The following SLC25A28 variants were observed in gnomAD, a reference collection of about 807,000 sequenced individuals.
SLC25A28 encodes solute carrier family 25 member 28, also known as mitoferrin-2.
A neutral mutation model predicts 31.9 loss-of-function variants in SLC25A28; 10 were observed. That is an observed-to-expected ratio of 0.31 (90% CI 0.19 to 0.53). The LOEUF is 0.53. Ranked by LOEUF, SLC25A28 falls within the 20% of genes least tolerant of loss-of-function variation. The pLI is 0.95. For missense variants in SLC25A28, 256 were observed against 490.3 expected, an observed-to-expected ratio of 0.52 and a Z score of 4.51; for synonymous variants, 208 against 203.6, an observed-to-expected ratio of 1.02 and a Z score of -0.19.
At chr10:99,641,523 T>C in the SLC25A28 span, among the ~76,000 whole-genome samples, 1 of 152,234 alleles carries the variant, frequency 6.6e-6, no homozygotes, top group Admixed American at 6.5e-5. Flanking sequence ...AGGCTGCCTG[T>C]TCACTCTGAT....
chr10:99,618,582 G>A, intron 1 of SLC25A28: 2 of 985,224 alleles, frequency 2.0e-6, no homozygotes, highest in Non-Finnish European at 2.4e-6. Flanking sequence ...TTTCAATGTT[G>A]TTACTTCTCT....
At chr10:99,648,484 A>T in the SLC25A28 span, among the ~76,000 whole-genome samples, 1 of 152,054 alleles carries the variant, frequency 6.6e-6, no homozygotes, top group East Asian at 1.9e-4. Context: ...TAATTCTGGG[A>T]AAAATGACAT....
chr10:99,651,590 T>TTTTC, the SLC25A28 span, among the ~76,000 whole-genome samples: 4 of 75,412 alleles, frequency 5.3e-5, no homozygotes, highest in Non-Finnish European at 1.1e-4. Context: ...TGCCTTTTTC[T>TTTTC]TTTCTTTTTT....
At chr10:99,652,733 C>G in the SLC25A28 span, among the ~76,000 whole-genome samples, 1 of 152,142 alleles carries the variant, frequency 6.6e-6, no homozygotes, top group Non-Finnish European at 1.5e-5. Flanking sequence ...ACTGTACCCC[C>G]ACCCCAGCCT....
chr10:99,612,764 G>C lies in SLC25A28; in HGVS notation c.521-165C>G, dbSNP rs188476138. ...CCACTGCTCCTAAACTCCTGTTTAA[G>C]AAGGTAAAGTATCTGTTCCCACCAA... On this transcript the variant is annotated intron_variant, in intron 2 of 3. Transcript: ENST00000370495. 5,164 of 727,388 alleles carry C rather than the reference G, an allele frequency of 7.1e-3. 32 individuals carry two copies. Among genetic ancestry groups the C allele is most frequent in the South Asian group, 0.017 (1,036 of 62,680 alleles). 45.1% of individuals were successfully genotyped at this position (727,388 alleles called of 1,614,324 possible).
At position 99,620,161 on chromosome 10, in the gene SLC25A28, A is replaced by C. The variant is rs745673083; in HGVS notation, c.175T>G (p.Ser59Ala). Residue 59 changes from serine to alanine, a missense_variant, in exon 1 of 4, where the codon TCC becomes GCC. By Grantham distance (99) the Ser-to-Ala change is moderately conservative. Transcript: ENST00000370495. ...GGCAGCGCCTCGTAGTCCGGGCCGG[A>C]GTCCGGATCTTGTCGTACCGGGGGC... ...CRPPVRQDPDSGPDYEALPAG... is the reference protein window; with the variant it reads ...CRPPVRQDPDAGPDYEALPAG... The C allele has an allele frequency of 6.4e-7, 1 of 1,559,950 alleles. No homozygotes were observed. Among genetic ancestry groups the C allele is most frequent in the East Asian group, 2.5e-5 (1 of 40,248 alleles).
At chr10:99,620,813 C>A (rs936855793), upstream of SLC25A28, 5 of 985,492 alleles carry the variant, frequency 5.1e-6, no homozygotes, top group Non-Finnish European at 6.0e-6. Flanking sequence ...GCGACGCGCC[C>A]AGGGACTCTA....
intron 2 of SLC25A28, 175 bp from the exon 3 acceptor site, chr10:99,612,774 T>C (rs1365927487): frequency 7.3e-6 from 5 of 683,460 alleles, no homozygotes; most frequent in Non-Finnish European, 1.3e-5. Context: ...GAAGGTAAAG[T>C]ATCTGTTCCC....
chr10:99,637,162 C>T, the SLC25A28 span, among the ~76,000 whole-genome samples: 3 of 152,018 alleles, frequency 2.0e-5, no homozygotes, highest in Non-Finnish European at 4.4e-5. Flanking sequence ...ATGTGATATA[C>T]CACATAAACA....
the SLC25A28 span, among the ~76,000 whole-genome samples, chr10:99,637,139 C>T: frequency 6.6e-6 from 1 of 152,104 alleles, no homozygotes; most frequent in African/African-American, 2.4e-5. Context: ...GTTTAACATA[C>T]ACAAGTCAAT....
chr10:99,634,016 A>C, the SLC25A28 span, among the ~76,000 whole-genome samples: 1 of 152,236 alleles, frequency 6.6e-6, no homozygotes, highest in Non-Finnish European at 1.5e-5. Context: ...GGCTGGGTAG[A>C]CTTGCTGGGC....
At chr10:99,640,947 T>G in the SLC25A28 span, among the ~76,000 whole-genome samples, 1 of 152,256 alleles carries the variant, frequency 6.6e-6, no homozygotes, top group African/African-American at 2.4e-5. Flanking sequence ...AGCCACATTT[T>G]CTTAATCCAG....
At position 99,610,698 on chromosome 10, in the gene SLC25A28, G is replaced by A. The variant is rs2034499965; in HGVS notation, c.*151C>T. The A allele has an allele frequency of 1.1e-6, 1 of 906,510 alleles. No individual in the cohort carries two copies. The highest frequency in any genetic ancestry group is 1.7e-6 in the Non-Finnish European group (1 of 604,240). The allele number at this position is 906,510 out of a possible 1,614,324, so 56.2% of individuals were successfully genotyped here. A position where few individuals can be genotyped will look rare whatever the true frequency, so the allele number is the denominator to read the frequency against. ...AGGTGGTGGCAACAGAGGTTGGCAG[G>A]AACTGGTGTTAGTCAAAACACCAAA... On this transcript the variant is annotated 3_prime_UTR_variant, in exon 4 of 4. Transcript: ENST00000370495.
chr10:99,620,591 G>A, upstream of SLC25A28: 2 of 1,009,078 alleles, frequency 2.0e-6, no homozygotes, highest in Non-Finnish European at 2.4e-6. Flanking sequence ...CTGAGGCGTT[G>A]CTAGCGCCTA....
chr10:99,652,907 T>G, the SLC25A28 span, among the ~76,000 whole-genome samples: 6 of 152,190 alleles, frequency 3.9e-5, no homozygotes, highest in Non-Finnish European at 7.3e-5. Flanking sequence ...TCACAGTACC[T>G]GAACACAAAG....
chr10:99,637,199 C>A, the SLC25A28 span, among the ~76,000 whole-genome samples: 2 of 150,144 alleles, frequency 1.3e-5, no homozygotes, highest in South Asian at 4.3e-4. Context: ...ACATGATCAT[C>A]TCAATAGATG....
upstream of SLC25A28, chr10:99,621,678 A>G (rs970807084): frequency 3.3e-5 from 5 of 152,376 alleles, no homozygotes; most frequent in Non-Finnish European, 7.3e-5. Context: ...TGTTGGCACA[A>G]GCTGCCCGCG....
chr10:99,627,459 G>C, the SLC25A28 span, among the ~76,000 whole-genome samples: 1 of 98,808 alleles, frequency 1.0e-5, no homozygotes, highest in Admixed American at 9.7e-5. Context: ...TTTTTTTTTT[G>C]AGACAAGATA....
chr10:99,612,054 T>G (rs2034535398), intron 3 of SLC25A28, among the ~76,000 whole-genome samples: 1 of 152,204 alleles, frequency 6.6e-6, no homozygotes, highest in South Asian at 2.1e-4. Context: ...TTGGAGAATT[T>G]TCCTCCGACT....
Sources: allele counts gnomAD v4.1 joint callset (sites outside exome capture counted in the v4.1 genomes callset), GRCh38; gene constraint gnomAD v4.1.1; transcripts MANE v1.5; gene names NCBI Gene and HGNC (gene_info 2026-07-23, HGNC 2026-07-21).